Variants in ARL5A observed in about 807,000 individuals in gnomAD.
The protein encoded by ARL5A is ARF like GTPase 5A.
ARL5A carries 18 observed loss-of-function variants against 25.9 expected under a neutral mutation model. That is an observed-to-expected ratio of 0.69 (90% confidence interval 0.48 to 1.03). The LOEUF (loss-of-function observed/expected upper bound fraction) is 1.03, where lower values mean the gene tolerates loss of function less well. Ranked by LOEUF, ARL5A falls within the 50% of genes least tolerant of loss-of-function variation. ARL5A has a pLI of 0.00. For synonymous variants in ARL5A, 61 were observed against 67.5 expected (o/e 0.90, Z 0.47); for missense variants, 170 against 211.9 (o/e 0.80, Z 1.23).
At chr2:151,812,667 A>C (rs2099830987) in intron 3 of ARL5A, among the ~76,000 whole-genome samples, 1 of 152,148 alleles carries the variant, frequency 6.6e-6, no homozygotes, top group Admixed American at 6.5e-5. Flanking sequence ...CATTCTAACT[A>C]ATATATATAA....
intron 1 of ARL5A, among the ~76,000 whole-genome samples, chr2:151,820,813 C>G (rs1409822071): frequency 6.6e-6 from 1 of 151,900 alleles, no homozygotes; most frequent in Non-Finnish European, 1.5e-5. Flanking sequence ...TCCTGCCCTA[C>G]AAGGTTAAGA....
At chr2:151,824,813 G>A (rs1232321397) in intron 1 of ARL5A, among the ~76,000 whole-genome samples, 2 of 152,150 alleles carry the variant, frequency 1.3e-5, no homozygotes, top group Non-Finnish European at 2.9e-5. Flanking sequence ...AGGTGTGTGT[G>A]CGTAGGAGAA....
At chr2:151,820,849 A>C (rs1443876056) in intron 1 of ARL5A, among the ~76,000 whole-genome samples, 1 of 152,036 alleles carries the variant, frequency 6.6e-6, no homozygotes, top group African/African-American at 2.4e-5. Context: ...AGCAGGTGAA[A>C]GGTTAGGTTA....
Position 151,799,291 on chromosome 2 carries a change from A to G in ARL5A, c.*3985T>C, listed in dbSNP as rs2099829105. ...ATTTCAACAGGTTTATTTTTTAAGGATAGGCTTTTCATTACTAACTCCTTT... is the reference window on the plus strand; with the variant it reads ...ATTTCAACAGGTTTATTTTTTAAGGGTAGGCTTTTCATTACTAACTCCTTT... On this transcript the variant is annotated 3_prime_UTR_variant, in exon 6 of 6. Transcript: ENST00000295087. 1.3e-5 allele frequency: 2 copies of G among 152,122 alleles called. No homozygotes were observed. The highest frequency in any genetic ancestry group is 4.8e-5 in the African/African-American group (2 of 41,416). 9.4% of individuals were successfully genotyped at this position (152,122 alleles called of 1,614,324 possible). A position where few individuals can be genotyped will look rare whatever the true frequency, so the allele number is the denominator to read the frequency against.
At chr2:151,826,236 T>C (rs902197638) in intron 1 of ARL5A, among the ~76,000 whole-genome samples, 2 of 152,180 alleles carry the variant, frequency 1.3e-5, no homozygotes, top group African/African-American at 4.8e-5. Flanking sequence ...AGAAAATAAA[T>C]AATTTATTCA....
intron 1 of ARL5A, among the ~76,000 whole-genome samples, chr2:151,818,030 C>A (rs915522571): frequency 6.6e-6 from 1 of 152,112 alleles, no homozygotes; most frequent in African/African-American, 2.4e-5. Context: ...CCCAGATCCA[C>A]AAACAATTCT....
rs1559815632 is a variant in ARL5A at position 151,799,503 on chromosome 2, C to T, written c.*3773G>A. 6.6e-6 allele frequency: 1 copy of T among 152,184 alleles called. No individual in the cohort carries two copies. The highest frequency in any genetic ancestry group is 1.5e-5 in the Non-Finnish European group (1 of 68,030). 9.4% of individuals were successfully genotyped at this position (152,184 alleles called of 1,614,324 possible). A position where few individuals can be genotyped will look rare whatever the true frequency, so the allele number is the denominator to read the frequency against. On this transcript the variant is annotated 3_prime_UTR_variant, in exon 6 of 6. Transcript: ENST00000295087. ...TTCTTGGTAGTGGGAAGATAATACACATAAAACTTAATCCTGCCCATGCCT... is the reference window on the plus strand; with the variant it reads ...TTCTTGGTAGTGGGAAGATAATACATATAAAACTTAATCCTGCCCATGCCT...
rs557390880 is a variant in ARL5A at position 151,798,811 on chromosome 2, C to G, written c.*4465G>C. On this transcript the variant is annotated 3_prime_UTR_variant, in exon 6 of 6. Transcript: ENST00000295087. Reference sequence around the variant, plus strand: ...AAGCCATACGATACCATAGAAAATACATATAATTTATTAGATGGGCTTAAA... The same window carrying G: ...AAGCCATACGATACCATAGAAAATAGATATAATTTATTAGATGGGCTTAAA... 8 of 145,260 alleles carry G rather than the reference C, an allele frequency of 5.5e-5. 1 individual carries two copies. In the East Asian group the frequency reaches 1.7e-3, roughly 31 times the overall value. The allele number at this position is 145,260 out of a possible 1,614,324, so 9.0% of individuals were successfully genotyped here.
chr2:151,815,392 C>T, intron 1 of ARL5A, among the ~76,000 whole-genome samples, 193 bp from the exon 2 acceptor site: 1 of 152,206 alleles, frequency 6.6e-6, no homozygotes, highest in East Asian at 1.9e-4. Context: ...CTCACCTTCC[C>T]CATCGCCATT....
intron 5 of ARL5A, among the ~76,000 whole-genome samples, chr2:151,804,434 A>G (rs1217658695): frequency 6.6e-6 from 1 of 152,132 alleles, no homozygotes; most frequent in African/African-American, 2.4e-5. Flanking sequence ...ACAATATTAA[A>G]TTTTTTTCAA....
chr2:151,814,866 G>A (rs1418675980), intron 2 of ARL5A, among the ~76,000 whole-genome samples: 2 of 151,976 alleles, frequency 1.3e-5, no homozygotes, highest in Non-Finnish European at 1.5e-5. Flanking sequence ...ATGAGGCACC[G>A]CACCCGGCCA....
chr2:151,801,179 A>T lies in ARL5A; in HGVS notation c.*2097T>A, dbSNP rs2099829370. ...TTATAAATGTGGTATAAAATTACAC[A>T]TCTTCTCATGATGTCATGTCAATAA... On this transcript the variant is annotated 3_prime_UTR_variant, in exon 6 of 6. Transcript: ENST00000295087. 1 of 152,638 alleles carries T rather than the reference A, an allele frequency of 6.6e-6. No homozygotes were observed. The highest frequency in any genetic ancestry group is 2.4e-5 in the African/African-American group (1 of 41,460). The allele number at this position is 152,638 out of a possible 1,614,324, so 9.5% of individuals were successfully genotyped here.
chr2:151,826,197 C>T (rs1046545131), intron 1 of ARL5A, among the ~76,000 whole-genome samples: 2 of 152,118 alleles, frequency 1.3e-5, no homozygotes, highest in Non-Finnish European at 2.9e-5. Context: ...AAAAGTGACC[C>T]TATTGATAAG....
chr2:151,815,216 A>G lies in ARL5A; in HGVS notation c.47-17T>C. 6.3e-7 allele frequency: 1 copy of G among 1,575,584 alleles called. No homozygotes were observed. Among genetic ancestry groups the G allele is most frequent in the Non-Finnish European group, 8.6e-7 (1 of 1,166,964 alleles). On this transcript the variant is annotated splice_polypyrimidine_tract_variant and intron_variant, in intron 1 of 5. Transcript: ENST00000295087. ...CTTTGTGCTCTGAAATAGAGAAAAC[A>G]CCAGTGATTTTTTTTCAAAAAAGGA...
chr2:151,809,022 T>TG (rs2151292811), intron 4 of ARL5A, among the ~76,000 whole-genome samples: 1 of 152,340 alleles, frequency 6.6e-6, no homozygotes, highest in Non-Finnish European at 1.5e-5. Flanking sequence ...CACTCCAGCC[T>TG]GGGCAACAGA....
rs537357477 is a variant in ARL5A, at chr2:151,801,284, G to C, written c.*1992C>G. 2.0e-5 allele frequency: 3 copies of C among 152,364 alleles called. No individual in the cohort carries two copies. The East Asian group carries it at 5.8e-4, about 29-fold the overall frequency. 9.4% of individuals were successfully genotyped at this position (152,364 alleles called of 1,614,324 possible). A position where few individuals can be genotyped will look rare whatever the true frequency, so the allele number is the denominator to read the frequency against. ...AAGAATAAATCTGAGCCAACACCTT[G>C]ATGATGACAAGGGAATGTGCTGATA... is the stretch of plus-strand genomic sequence containing the variant. On this transcript the variant is annotated 3_prime_UTR_variant, in exon 6 of 6. Coordinates refer to ENST00000295087, the MANE Select transcript of ARL5A (RefSeq NM_012097.4).
intron 1 of ARL5A, among the ~76,000 whole-genome samples, chr2:151,815,724 T>C (rs2099831419): frequency 1.3e-5 from 2 of 152,158 alleles, no homozygotes; most frequent in Non-Finnish European, 2.9e-5. Flanking sequence ...TAAGAACCTA[T>C]GGCTATGGTG....
intron 4 of ARL5A, among the ~76,000 whole-genome samples, chr2:151,810,754 A>C (rs1020920361): frequency 2.0e-5 from 3 of 152,214 alleles, no homozygotes; most frequent in African/African-American, 7.2e-5. Context: ...CTCTTCATAT[A>C]GTGATCCTGC....
At position 151,806,866 on chromosome 2, in the gene ARL5A, T is replaced by C; in HGVS notation, c.446A>G (p.Asp149Gly). Residue 149 changes from aspartate (D) to glycine (G), a missense_variant, in exon 5 of 6, where the codon GAT (aspartate) becomes GGT (glycine). By Grantham distance (94) the Asp-to-Gly change is moderately conservative (BLOSUM62 -1). Transcript: ENST00000295087. ...SQFLKLTSIKDHQWHIQACCA... is the reference protein window; with the variant it reads ...SQFLKLTSIKGHQWHIQACCA... ...GCATGCCTGGATATGCCACTGGTGATCTTTAATAGAAGTTAGCTTCAAAAA... is the reference window on the plus strand; with the variant it reads ...GCATGCCTGGATATGCCACTGGTGACCTTTAATAGAAGTTAGCTTCAAAAA... 1 of 1,613,546 alleles carries C rather than the reference T, an allele frequency of 6.2e-7. No individual in the cohort carries two copies. The highest frequency in any genetic ancestry group is 8.5e-7 in the Non-Finnish European group (1 of 1,179,740).
Sources: gnomAD v4.1 joint callset for allele counts (sites outside exome capture counted in the v4.1 genomes callset) on GRCh38, gnomAD v4.1.1 for gene constraint, MANE v1.5 for transcripts, NCBI Gene and HGNC (gene_info 2026-07-23, HGNC 2026-07-21) for gene names.